Variants in CSMD1 observed in about 807,000 individuals in gnomAD.
The protein encoded by CSMD1 is CUB and sushi domain-containing protein 1.
CSMD1 carries 213 observed loss-of-function variants against 417.5 expected under a neutral mutation model. The ratio of observed to expected loss-of-function variants is 0.51; its 90% CI spans 0.46 to 0.57. The LOEUF (loss-of-function observed/expected upper bound fraction) is 0.57. CSMD1 is among the 20% of genes least tolerant of loss of function. The pLI is 0.00. For synonymous variants in CSMD1, 2,862 were observed against 1,736.8 expected, an observed-to-expected ratio of 1.65 and a Z score of -16.11; for missense variants, 6,923 against 4,529.7, an observed-to-expected ratio of 1.53 and a Z score of -15.17.
intron 3 of CSMD1, among the ~76,000 whole-genome samples, chr8:4,131,567 A>G (rs1803105770): frequency 6.6e-6 from 1 of 152,150 alleles, no homozygotes; most frequent in Non-Finnish European, 1.5e-5. Context: ...TATTTTTCTC[A>G]TATATTGATA....
chr8:3,441,942 G>C (rs1815009535), intron 12 of CSMD1, among the ~76,000 whole-genome samples: 1 of 152,040 alleles, frequency 6.6e-6, no homozygotes, highest in South Asian at 2.1e-4. Context: ...TCATTCATGT[G>C]TGGTATTGCC....
At chr8:3,420,443 G>T (rs1813414715) in intron 12 of CSMD1, among the ~76,000 whole-genome samples, 2 of 150,472 alleles carry the variant, frequency 1.3e-5, no homozygotes, top group Non-Finnish European at 2.9e-5. Context: ...AAAAAGCCAT[G>T]GAAATCTGAA....
At chr8:4,424,054 T>A (rs1797407193) in intron 2 of CSMD1, among the ~76,000 whole-genome samples, 1 of 151,966 alleles carries the variant, frequency 6.6e-6, no homozygotes, top group South Asian at 2.1e-4. Flanking sequence ...TCAATGTGGA[T>A]TACAAATATA....
chr8:3,486,561 C>T (rs1235286523), intron 11 of CSMD1, among the ~76,000 whole-genome samples: 1 of 152,236 alleles, frequency 6.6e-6, no homozygotes, highest in Non-Finnish European at 1.5e-5. Flanking sequence ...AGTGAGTCTA[C>T]ACCTGTGATA....
chr8:3,439,354 C>T (rs1250860556), intron 12 of CSMD1, among the ~76,000 whole-genome samples: 4 of 125,278 alleles, frequency 3.2e-5, no homozygotes, highest in Non-Finnish European at 6.5e-5. Context: ...ATTTTGATAG[C>T]TGTGTATAAT....
chr8:4,838,612 G>A (rs754828976), intron 1 of CSMD1, among the ~76,000 whole-genome samples: 17 of 152,362 alleles, frequency 1.1e-4, no homozygotes, highest in South Asian at 6.2e-4. Flanking sequence ...TGCTTTGGCA[G>A]ATGGAAACAT....
chr8:2,966,534 T>C, intron 58 of CSMD1, 36 bp downstream of exon 58: 2 of 1,577,382 alleles, frequency 1.3e-6, no homozygotes, highest in Non-Finnish European at 1.7e-6. Context: ...AATTTCATAG[T>C]AACGTCTGAG....
At chr8:4,446,694 T>C (rs76577473) in intron 2 of CSMD1, among the ~76,000 whole-genome samples, 8 of 151,214 alleles carry the variant, frequency 5.3e-5, no homozygotes, top group Non-Finnish European at 1.5e-5. Flanking sequence ...CTGCGATTAC[T>C]CGTGCCCACC....
At chr8:3,013,189 T>A (rs2128964514) in intron 52 of CSMD1, among the ~76,000 whole-genome samples, 1 of 152,304 alleles carries the variant, frequency 6.6e-6, no homozygotes, top group African/African-American at 2.4e-5. Flanking sequence ...AGTATGCACA[T>A]ATGATGTCTG....
At chr8:3,514,343 G>C (rs1463392614) in intron 10 of CSMD1, among the ~76,000 whole-genome samples, 1 of 152,118 alleles carries the variant, frequency 6.6e-6, no homozygotes, top group Non-Finnish European at 1.5e-5. Flanking sequence ...TGATCTCCCT[G>C]GTGATGTTGT....
At chr8:3,736,445 A>C (rs13268775) in intron 6 of CSMD1, among the ~76,000 whole-genome samples, 42,685 of 151,828 alleles carry the variant, frequency 0.28, 6,876 homozygotes, top group South Asian at 0.38. Flanking sequence ...TGGTCTCACT[A>C]CGTGGTCCAG....
chr8:3,687,738 A>G (rs1449150130), intron 7 of CSMD1, among the ~76,000 whole-genome samples: 1 of 152,160 alleles, frequency 6.6e-6, no homozygotes, highest in Non-Finnish European at 1.5e-5. Context: ...GCTATCTTGA[A>G]GACAGCAGGG....
At chr8:3,748,759 G>A (rs1486456213) in intron 6 of CSMD1, among the ~76,000 whole-genome samples, 1 of 152,162 alleles carries the variant, frequency 6.6e-6, no homozygotes. Flanking sequence ...CTAATAACAT[G>A]AAAGTCTTCA....
rs756863610 is a variant in CSMD1, at chr8:3,998,040, C to T, written c.681G>A (p.Glu227=). 1.2e-5 allele frequency: 19 copies of T among 1,602,714 alleles called. No individual in the cohort carries two copies. The South Asian group carries it at 1.8e-4, about 15-fold the overall frequency. Reference sequence around the variant, plus strand: ...AGGTGCAGTCCGCGTTGTTCTCGTACTCTGAAGGGAAGTGCGGGCTGGAGA... The same window carrying T: ...AGGTGCAGTCCGCGTTGTTCTCGTATTCTGAAGGGAAGTGCGGGCTGGAGA... ...SSISSPHFPS[E]YENNADCTWT... Residue 227 remains glutamate (E), a synonymous_variant, in exon 5 of 70, where the codon GAG becomes GAA. Transcript: ENST00000635120.
chr8:3,712,769 G>T (rs1801600828), intron 6 of CSMD1, among the ~76,000 whole-genome samples: 1 of 152,098 alleles, frequency 6.6e-6, no homozygotes, highest in African/African-American at 2.4e-5. Flanking sequence ...CACATTCCCT[G>T]GTGTCTGTTG....
intron 2 of CSMD1, among the ~76,000 whole-genome samples, chr8:4,566,738 G>A (rs1798631098): frequency 6.6e-6 from 1 of 151,482 alleles, no homozygotes; most frequent in South Asian, 2.1e-4. Flanking sequence ...AAATATTTGA[G>A]GTGGAATGTG....
chr8:3,472,334 G>C (rs919623727), intron 11 of CSMD1, among the ~76,000 whole-genome samples: 1 of 152,028 alleles, frequency 6.6e-6, no homozygotes, highest in Non-Finnish European at 1.5e-5. Context: ...TTGTAAGTGT[G>C]TACTTTCTGA....
intron 3 of CSMD1, among the ~76,000 whole-genome samples, chr8:4,076,391 T>G (rs949502397): frequency 6.6e-6 from 1 of 152,198 alleles, no homozygotes; most frequent in Admixed American, 6.5e-5. Flanking sequence ...TAGTTCTTTA[T>G]AGCAGCGTAA....
At chr8:3,000,609 G>C (rs779585498) in intron 52 of CSMD1, among the ~76,000 whole-genome samples, 1 of 152,162 alleles carries the variant, frequency 6.6e-6, no homozygotes, top group African/African-American at 2.4e-5. Context: ...ACAGGGATCA[G>C]AGAATAAGTT....
Sources: gnomAD v4.1 joint callset for allele counts (sites outside exome capture counted in the v4.1 genomes callset) on GRCh38, gnomAD v4.1.1 for gene constraint, MANE v1.5 for transcripts, NCBI Gene and HGNC (gene_info 2026-07-23, HGNC 2026-07-21) for gene names.